SEC31A: variants seen among roughly 807,000 people sequenced by gnomAD.
SEC31A encodes the protein protein transport protein Sec31A.
In SEC31A, 70 loss-of-function variants were observed where a neutral mutation model predicts 151.0. That is an observed-to-expected ratio of 0.46 (90% CI 0.38 to 0.57). SEC31A has a LOEUF of 0.57. Among genes scored for constraint, SEC31A ranks in the 20% least tolerant of loss-of-function variants. The pLI is 0.00. For missense variants in SEC31A, 1,330 were observed against 1,471.2 expected (o/e 0.90, Z 1.57); for synonymous variants, 475 against 505.9 (o/e 0.94, Z 0.82).
At position 82,870,300 on chromosome 4, in the gene SEC31A, G is replaced by A. The variant is rs113364153; in HGVS notation, c.882+25C>T. 6.3e-3 allele frequency: 9,838 copies of A among 1,568,828 alleles called. 98 individuals carry two copies. The highest frequency in any genetic ancestry group is 0.012 in the Middle Eastern group (72 of 5,960). On this transcript the variant is annotated intron_variant, in intron 8 of 26. Transcript: ENST00000395310. ...AGTAACATACTATAAGGGCTACAAG[G>A]TTGAGACACATTTCCTGCCCATACC...
intron 16 of SEC31A, 70 bp downstream of exon 16, chr4:82,856,882 A>G (rs1560624480): frequency 1.6e-6 from 2 of 1,289,392 alleles, no homozygotes; most frequent in Non-Finnish European, 2.1e-6. Flanking sequence ...TCAGTTATCT[A>G]TAATAACAGT....
At chr4:82,880,432 A>G (rs1171475798) in intron 3 of SEC31A, among the ~76,000 whole-genome samples, 1 of 151,778 alleles carries the variant, frequency 6.6e-6, no homozygotes, top group East Asian at 1.9e-4. Context: ...GCTACTAAAG[A>G]CACAAAATTA....
At position 82,851,620 on chromosome 4, in the gene SEC31A, G is replaced by T. The variant is rs1267824587; in HGVS notation, c.2155-16C>A. On this transcript the variant is annotated splice_polypyrimidine_tract_variant and intron_variant, in intron 18 of 26. Transcript: ENST00000395310. ...CAATCAGATCCTAAATGAAAAAAAT[G>T]AGTAACAAACAGAAATATCAAGACC... 4 of 1,597,202 alleles carry T rather than the reference G, an allele frequency of 2.5e-6. No individual in the cohort carries two copies. The Admixed American group carries it at 5.1e-5, about 20-fold the overall frequency.
At chr4:82,890,614 A>G (rs1401722720) in intron 1 of SEC31A, 1 of 387,754 alleles carries the variant, frequency 2.6e-6, no homozygotes, top group East Asian at 1.6e-4. Flanking sequence ...AAATAATCCT[A>G]GTTAAATGAC....
At chr4:82,861,287 C>T (rs1180896369) in intron 14 of SEC31A, among the ~76,000 whole-genome samples, 2 of 152,062 alleles carry the variant, frequency 1.3e-5, no homozygotes, top group Admixed American at 6.5e-5. Context: ...AATTATAGGC[C>T]AAGAAAAACA....
chr4:82,824,625 T>A lies in SEC31A; in HGVS notation c.3341A>T (p.Asp1114Val). 3.1e-6 allele frequency: 5 copies of A among 1,614,118 alleles called. No homozygotes were observed. The highest frequency in any genetic ancestry group is 4.2e-6 in the Non-Finnish European group (5 of 1,179,980). ...TKKITKKPIP[D>V]EHLILKTTFE... ...TGTGGTCTTTAGAATGAGGTGCTCA[T>A]CTGGAATAGGTTTCTTGGTAATTTT... The change falls in exon 25 of 27, where the codon GAT becomes GTT. Residue 1114 changes from aspartate (D) to valine (V), a missense_variant. Asp to Val is a radical substitution (Grantham distance 152). Coordinates refer to ENST00000395310, the MANE Select transcript of SEC31A (RefSeq NM_001077207.4).
At position 82,819,209 on chromosome 4, in the gene SEC31A, G is replaced by T. The variant is rs1373678361; in HGVS notation, c.3528C>A (p.Ser1176Arg). The stretch of plus-strand genomic sequence containing the variant: ...CTTCTGAGTAGTTTCGAGTTTCAAT[G>T]CTCCTTGCAATGTTGTGTAAACCAC... ...ITSGLHNIAR[S>R]IETRNYSEGL... The change falls in exon 27 of 27, where the codon AGC becomes AGA. Residue 1176 changes from serine (S) to arginine (R), a missense_variant. Coordinates refer to ENST00000395310, the MANE Select transcript of SEC31A (RefSeq NM_001077207.4). The T allele has an allele frequency of 1.2e-5, 20 of 1,610,178 alleles. No homozygotes were observed. The highest frequency in any genetic ancestry group is 2.5e-6 in the Non-Finnish European group (3 of 1,178,296).
At chr4:82,825,210 G>A (rs1403113986) in intron 24 of SEC31A, among the ~76,000 whole-genome samples, 1 of 152,186 alleles carries the variant, frequency 6.6e-6, no homozygotes, top group Admixed American at 6.6e-5. Context: ...AAGAAGAAAT[G>A]TTTAAGTTAA....
chr4:82,824,720 C>G (rs749227082), intron 24 of SEC31A, 46 bp from the exon 25 acceptor site: 1 of 1,595,904 alleles, frequency 6.3e-7, no homozygotes. Flanking sequence ...CCAGAAGCTA[C>G]CTTATATACA....
At chr4:82,858,651 G>C (rs1461332921) in intron 14 of SEC31A, among the ~76,000 whole-genome samples, 2 of 149,962 alleles carry the variant, frequency 1.3e-5, no homozygotes, top group Non-Finnish European at 3.0e-5. Flanking sequence ...TGTTTTCTTA[G>C]GTAACTATGA....
At chr4:82,898,788 T>C (rs1403641628) in intron 3 of SEC31A, among the ~76,000 whole-genome samples, 1 of 152,168 alleles carries the variant, frequency 6.6e-6, no homozygotes, top group Non-Finnish European at 1.5e-5. Flanking sequence ...GAATGTAAAA[T>C]GGTGCAGCCA....
At chr4:82,859,645 C>T (rs1469596681) in intron 14 of SEC31A, among the ~76,000 whole-genome samples, 1 of 152,018 alleles carries the variant, frequency 6.6e-6, no homozygotes, top group Non-Finnish European at 1.5e-5. Flanking sequence ...AGGAGAATAT[C>T]TATAACCCTA....
intron 19 of SEC31A, 73 bp from the exon 20 acceptor site, chr4:82,849,050 A>G: frequency 7.5e-7 from 1 of 1,330,712 alleles, no homozygotes; most frequent in East Asian, 2.3e-5. Flanking sequence ...AATTTTCTTA[A>G]TCAGATTATT....
upstream of SEC31A, chr4:82,895,303 T>C (rs1720018353): frequency 6.6e-6 from 1 of 151,906 alleles, no homozygotes; most frequent in South Asian, 2.1e-4. Flanking sequence ...AAACATGGTC[T>C]CTACTTAATA....
intron 4 of SEC31A, among the ~76,000 whole-genome samples, chr4:82,876,560 G>C (rs1423399801): frequency 1.3e-5 from 2 of 152,128 alleles, no homozygotes; most frequent in African/African-American, 2.4e-5. Context: ...TCTTTCTCAG[G>C]ATACCTCAAA....
At chr4:82,890,879 A>C in intron 1 of SEC31A, 1 of 1,385,274 alleles carries the variant, frequency 7.2e-7, no homozygotes, top group Non-Finnish European at 9.3e-7. Flanking sequence ...ACGTCGGCGA[A>C]TGCGGACGGG....
intron 3 of SEC31A, among the ~76,000 whole-genome samples, chr4:82,897,344 CCATGG>C (rs1321116813): frequency 6.6e-5 from 10 of 152,076 alleles, no homozygotes; most frequent in African/African-American, 2.4e-4. Context: ...TTTCAAAACT[CCATGG>C]CTTTCTGAAA....
intron 25 of SEC31A, among the ~76,000 whole-genome samples, chr4:82,823,724 A>C (rs566932172): frequency 6.6e-6 from 1 of 152,382 alleles, no homozygotes; most frequent in South Asian, 2.1e-4. Flanking sequence ...CCGATATCTA[A>C]AACATTTAAC....
Position 82,824,679 on chromosome 4 carries a change from A to G in SEC31A, c.3292-5T>C. 1 of 1,613,516 alleles carries G rather than the reference A, an allele frequency of 6.2e-7. No individual in the cohort carries two copies. The highest frequency in any genetic ancestry group is 1.1e-5 in the South Asian group (1 of 90,888). On this transcript the variant is annotated splice_region_variant and splice_polypyrimidine_tract_variant and intron_variant, in intron 24 of 26. Coordinates refer to ENST00000395310, the MANE Select transcript of SEC31A (RefSeq NM_001077207.4). ...TGTTGGCAAAGACTGCACATGCTGG[A>G]AGAAACACACCAAAAACTGATCAGA... is the stretch of plus-strand genomic sequence containing the variant.
Sources: gnomAD v4.1 joint callset for allele counts (sites outside exome capture counted in the v4.1 genomes callset) on GRCh38, gnomAD v4.1.1 for gene constraint, MANE v1.5 for transcripts, NCBI Gene and HGNC (gene_info 2026-07-23, HGNC 2026-07-21) for gene names.